ASMTL: variants seen among roughly 807,000 people sequenced by gnomAD.
The protein encoded by ASMTL is acetylserotonin O-methyltransferase like.
A neutral mutation model predicts 60.3 loss-of-function variants in ASMTL; 57 were observed. That is an observed-to-expected ratio of 0.95 (90% CI 0.76 to 1.18). The LOEUF is 1.18. ASMTL is among the 50% of genes most tolerant of loss of function. The pLI is 0.00. For synonymous variants in ASMTL, 419 were observed against 373.0 expected (o/e 1.12, Z -1.42); for missense variants, 981 against 852.6 (o/e 1.15, Z -1.88).
intron 1 of ASMTL, among the ~76,000 whole-genome samples, chrX:1,446,183 C>CCT (rs1173657856): frequency 2.0e-5 from 3 of 152,010 alleles, no homozygotes; most frequent in South Asian, 2.1e-4. Context: ...CTCTCCTTCT[C>CCT]CTCTCTCTCT....
chrX:1,443,068 G>A lies in ASMTL; in HGVS notation c.94-751C>T, dbSNP rs1294668255. 2.6e-3 allele frequency among the ~76,000 whole-genome samples: 272 copies of A among 106,102 alleles called. 3 individuals carry two copies. Among genetic ancestry groups the A allele is most frequent in the East Asian group, 6.5e-3 (20 of 3,096 alleles). The allele number at this position is 106,102 out of a possible 152,430, so 69.6% of individuals were successfully genotyped here. ...CATACCACCATCGTGGACACACACC[G>A]TCGTCGTGGACACACACTGCCATCT... On this transcript the variant is annotated intron_variant, in intron 1 of 12. Coordinates refer to ENST00000381317, the MANE Select transcript of ASMTL (RefSeq NM_004192.4).
chrX:1,424,841 T>G (rs1236233653), intron 8 of ASMTL, among the ~76,000 whole-genome samples: 1 of 109,642 alleles, frequency 9.1e-6, no homozygotes, highest in East Asian at 3.5e-4. Flanking sequence ...TCTCCATCCA[T>G]CCATCTATCC....
chrX:1,453,598 TGGGGGTG>T (rs1448682377), upstream of ASMTL: 1 of 136,390 alleles, frequency 7.3e-6, no homozygotes, highest in African/African-American at 2.7e-5. Context: ...TGGGCAGTTG[TGGGGGTG>T]GGGGGTTCTT....
At chrX:1,407,221 G>A (rs2089893982) in intron 12 of ASMTL, among the ~76,000 whole-genome samples, 1 of 151,652 alleles carries the variant, frequency 6.6e-6, no homozygotes, top group Non-Finnish European at 1.5e-5. Flanking sequence ...TGAATAGATG[G>A]TAGATGATGG....
intron 12 of ASMTL, among the ~76,000 whole-genome samples, chrX:1,407,085 G>A (rs2089886818): frequency 6.8e-6 from 1 of 147,822 alleles, no homozygotes; most frequent in African/African-American, 2.6e-5. Context: ...TGAGATGGAT[G>A]GGTGAACTGA....
At chrX:1,430,474 CTAACAA>C (rs2090739654) in intron 6 of ASMTL, among the ~76,000 whole-genome samples, 1 of 152,052 alleles carries the variant, frequency 6.6e-6, no homozygotes, top group South Asian at 2.1e-4. Context: ...TCTACAAAAA[CTAACAA>C]TAAAATCGGC....
rs761882872 is a variant in ASMTL, at chrX:1,410,416, CT to C, written c.1645+2315del. ...GGGGGACTCCTATCTCCACAAAAAACTTTTTTTTTTTTTTCTGAGACGGAGT... is the reference window on the plus strand; with the variant it reads ...GGGGGACTCCTATCTCCACAAAAAACTTTTTTTTTTTTTCTGAGACGGAGT... On this transcript the variant is annotated intron_variant, in intron 12 of 12. Coordinates refer to ENST00000381317, the MANE Select transcript of ASMTL (RefSeq NM_004192.4). Among the ~76,000 whole-genome samples, 430 of 145,460 alleles carry C rather than the reference CT, an allele frequency of 3.0e-3. 1 individual carries two copies. Among genetic ancestry groups the C allele is most frequent in the Non-Finnish European group, 4.3e-3 (285 of 65,630 alleles).
chrX:1,441,986 C>G, intron 2 of ASMTL, 200 bp downstream of exon 2: 2 of 613,836 alleles, frequency 3.3e-6, no homozygotes, highest in Non-Finnish European at 5.8e-6. Context: ...AACAGATAAG[C>G]TCCATTAATT....
intron 12 of ASMTL, among the ~76,000 whole-genome samples, chrX:1,407,718 T>C (rs2089918360): frequency 6.6e-6 from 1 of 151,498 alleles, no homozygotes; most frequent in Non-Finnish European, 1.5e-5. Context: ...ACCCTGTCTC[T>C]ATTTTATTTT....
chrX:1,428,316 G>A (rs2090671180), intron 6 of ASMTL, 195 bp from the exon 7 acceptor site: 1 of 161,924 alleles, frequency 6.2e-6, no homozygotes, highest in Non-Finnish European at 9.7e-6. Context: ...GGCGCCTTTG[G>A]CATCTCAAAA....
intron 8 of ASMTL, among the ~76,000 whole-genome samples, chrX:1,422,834 C>T (rs1450309898): frequency 6.6e-6 from 1 of 152,118 alleles, no homozygotes; most frequent in Non-Finnish European, 1.5e-5. Context: ...CCTCTGCAGA[C>T]GTGGAACTGC....
intron 2 of ASMTL, 148 bp from the exon 3 acceptor site, chrX:1,439,292 G>A: frequency 1.4e-6 from 1 of 732,884 alleles, no homozygotes; most frequent in Admixed American, 2.5e-5. Flanking sequence ...AAGGTCACGA[G>A]CAAGGACACA....
At chrX:1,414,793 T>C (rs1162805140) in intron 11 of ASMTL, among the ~76,000 whole-genome samples, 1 of 152,054 alleles carries the variant, frequency 6.6e-6, no homozygotes, top group Non-Finnish European at 1.5e-5. Flanking sequence ...GGAGGAGCTG[T>C]AGGGTGGTTG....
intron 8 of ASMTL, among the ~76,000 whole-genome samples, chrX:1,422,183 A>G (rs28594931): frequency 0.67 from 101,601 of 151,892 alleles, 35,007 homozygotes; most frequent in South Asian, 0.87. Context: ...GCAAACACCC[A>G]TCTAGATGTG....
intron 11 of ASMTL, among the ~76,000 whole-genome samples, chrX:1,417,051 T>C (rs5949024): frequency 0.96 from 145,575 of 151,770 alleles, 69,993 homozygotes; most frequent in East Asian, 1. Flanking sequence ...GCACAGCAGA[T>C]GCTCACATAT....
chrX:1,403,717 G>T, intron 12 of ASMTL: 1 of 600,084 alleles, frequency 1.7e-6, no homozygotes, highest in Non-Finnish European at 3.0e-6. Context: ...TGGATAGATG[G>T]ATGCATCACC....
intron 3 of ASMTL, among the ~76,000 whole-genome samples, chrX:1,437,289 G>A (rs2090990759): frequency 6.6e-6 from 1 of 151,538 alleles, no homozygotes; most frequent in African/African-American, 2.4e-5. Flanking sequence ...GTGTGTCTGT[G>A]TCCTTATCTG....
chrX:1,421,987 G>A (rs2090496517), intron 8 of ASMTL, 145 bp from the exon 9 acceptor site: 1 of 740,392 alleles, frequency 1.4e-6, no homozygotes, highest in East Asian at 2.5e-5. Flanking sequence ...CTGACCATAG[G>A]GGATGCATCA....
At chrX:1,434,742 C>G (rs1467296426) in intron 5 of ASMTL, among the ~76,000 whole-genome samples, 1 of 149,152 alleles carries the variant, frequency 6.7e-6, no homozygotes, top group Non-Finnish European at 1.5e-5. Flanking sequence ...TTGCAGTGAG[C>G]TGAGATCGTG....
Sources: gnomAD v4.1 joint callset for allele counts (sites outside exome capture counted in the v4.1 genomes callset) on GRCh38, gnomAD v4.1.1 for gene constraint, MANE v1.5 for transcripts, NCBI Gene and HGNC (gene_info 2026-07-23, HGNC 2026-07-21) for gene names.